Variants in SUGCT observed in about 807,000 individuals in gnomAD.
SUGCT encodes the protein succinyl-CoA:glutarate-CoA transferase, also known as succinyl-CoA:glutarate CoA-transferase.
Under a neutral mutation model 55.0 loss-of-function variants are expected in SUGCT, and 41 were observed. The ratio of observed to expected loss-of-function variants is 0.74; its 90% CI spans 0.58 to 0.97. The LOEUF (loss-of-function observed/expected upper bound fraction) is 0.97. SUGCT is among the 50% of genes least tolerant of loss of function. The pLI, the probability that SUGCT is intolerant of heterozygous loss-of-function variation, is 0.00. For missense variants in SUGCT, 568 were observed against 547.8 expected (o/e 1.04, Z -0.37); for synonymous variants, 187 against 200.4 (o/e 0.93, Z 0.56).
intron 13 of SUGCT, among the ~76,000 whole-genome samples, chr7:40,750,188 A>G (rs189104120): frequency 6.6e-5 from 10 of 152,148 alleles, no homozygotes; most frequent in African/African-American, 9.6e-5. Context: ...TGACCAATAC[A>G]TTTCCCTCCC....
intron 9 of SUGCT, among the ~76,000 whole-genome samples, chr7:40,415,289 T>G (rs1786937063): frequency 6.7e-6 from 1 of 149,500 alleles, no homozygotes; most frequent in Non-Finnish European, 1.5e-5. Flanking sequence ...AAAAAAAAAT[T>G]TGGCCACATA....
intron 9 of SUGCT, among the ~76,000 whole-genome samples, chr7:40,356,701 T>C (rs6462976): frequency 0.57 from 86,387 of 151,994 alleles, 24,621 homozygotes; most frequent in South Asian, 0.65. Flanking sequence ...TTTTAGCAGA[T>C]TCCGCTTAAG....
chr7:40,278,759 TC>T (rs1792720495), intron 8 of SUGCT, among the ~76,000 whole-genome samples: 1 of 151,972 alleles, frequency 6.6e-6, no homozygotes, highest in Admixed American at 6.6e-5. Context: ...TTCTTCCCTC[TC>T]CCTCCCTTTT....
At chr7:40,284,900 T>C (rs1793216999) in intron 8 of SUGCT, among the ~76,000 whole-genome samples, 1 of 152,138 alleles carries the variant, frequency 6.6e-6, no homozygotes, top group Non-Finnish European at 1.5e-5. Flanking sequence ...ATATGGTTTG[T>C]TGTCTTCTTG....
intron 9 of SUGCT, among the ~76,000 whole-genome samples, chr7:40,347,588 A>T (rs1797384805): frequency 6.6e-6 from 1 of 152,212 alleles, no homozygotes; most frequent in African/African-American, 2.4e-5. Context: ...GATTTGAAAA[A>T]TTCTCATTCT....
intron 12 of SUGCT, among the ~76,000 whole-genome samples, chr7:40,686,105 G>T (rs970751382): frequency 2.6e-5 from 4 of 152,092 alleles, no homozygotes; most frequent in Non-Finnish European, 5.9e-5. Context: ...TATTTTACCT[G>T]AGTAAATGTG....
chr7:40,977,982 T>A, the SUGCT span, among the ~76,000 whole-genome samples: 1 of 152,164 alleles, frequency 6.6e-6, no homozygotes, highest in African/African-American at 2.4e-5. Context: ...TGCGATTCAA[T>A]TTTTTCCTGT....
chr7:40,568,335 G>GCA (rs145240668), intron 12 of SUGCT, among the ~76,000 whole-genome samples: 240 of 150,350 alleles, frequency 1.6e-3, no homozygotes, highest in African/African-American at 4.8e-3. Context: ...ACACACACAT[G>GCA]CACACACACA....
intron 13 of SUGCT, among the ~76,000 whole-genome samples, chr7:40,831,773 T>A (rs1476903790): frequency 2.0e-5 from 3 of 152,198 alleles, no homozygotes; most frequent in African/African-American, 7.2e-5. Context: ...GATACTCTTC[T>A]TACTATTCAC....
At chr7:40,303,508 G>T (rs1275638381) in intron 8 of SUGCT, among the ~76,000 whole-genome samples, 2 of 151,390 alleles carry the variant, frequency 1.3e-5, no homozygotes, top group Admixed American at 1.3e-4. Flanking sequence ...TTTTGAGACG[G>T]AGTCTTGCTC....
intron 3 of SUGCT, among the ~76,000 whole-genome samples, chr7:40,183,430 A>G (rs958725290): frequency 2.0e-5 from 3 of 152,168 alleles, no homozygotes; most frequent in Admixed American, 6.5e-5. Context: ...GCCTCCAACT[A>G]CTAGGCTCGA....
At chr7:40,534,570 C>A (rs1019439628) in intron 12 of SUGCT, among the ~76,000 whole-genome samples, 1 of 152,010 alleles carries the variant, frequency 6.6e-6, no homozygotes, top group Non-Finnish European at 1.5e-5. Context: ...AGGCATGTGC[C>A]GCCGTGCCCA....
intron 6 of SUGCT, among the ~76,000 whole-genome samples, chr7:40,201,635 G>T (rs1401708155): frequency 2.0e-5 from 3 of 152,148 alleles, no homozygotes; most frequent in African/African-American, 7.2e-5. Flanking sequence ...CACCATCTCT[G>T]CAGGGGAAGA....
In SUGCT at chr7:40,449,353, T is replaced by C; in HGVS notation, c.883T>C (p.Cys295Arg). The C allele has an allele frequency of 6.2e-7, 1 of 1,608,406 alleles. No homozygotes were observed. The highest frequency in any genetic ancestry group is 8.5e-7 in the Non-Finnish European group (1 of 1,175,540). Residue 295 changes from cysteine (C) to arginine (R), a missense_variant, in exon 10 of 14, where the codon TGC becomes CGC. By Grantham distance (180) the Cys-to-Arg change is radical. Transcript: ENST00000335693. ...AGNNQQFATV[C>R]KILDLPELID... ...AAATAACCAGCAGTTTGCCACCGTC[T>C]GCAAGGTAATCTATAATTATTGGGA...
chr7:40,953,647 T>A, the SUGCT span, among the ~76,000 whole-genome samples: 1 of 150,798 alleles, frequency 6.6e-6, no homozygotes, highest in Non-Finnish European at 1.5e-5. Flanking sequence ...ATGTCCTTTC[T>A]GTTTGTTAGT....
chr7:40,987,026 A>T, the SUGCT span, among the ~76,000 whole-genome samples: 1 of 152,240 alleles, frequency 6.6e-6, no homozygotes, highest in Non-Finnish European at 1.5e-5. Flanking sequence ...TGAAAAACTC[A>T]TACAAAAATG....
chr7:40,169,814 AG>A (rs1288286862), intron 1 of SUGCT, among the ~76,000 whole-genome samples: 1 of 151,782 alleles, frequency 6.6e-6, no homozygotes, highest in Non-Finnish European at 1.5e-5. Flanking sequence ...GAGGTTGCCA[AG>A]TTCAATAGGG....
chr7:40,258,432 G>A (rs904772266), intron 7 of SUGCT, among the ~76,000 whole-genome samples: 2 of 152,130 alleles, frequency 1.3e-5, no homozygotes, highest in African/African-American at 4.8e-5. Flanking sequence ...AGGCTGGAGT[G>A]CAATGGCGCG....
chr7:40,484,379 C>T (rs935809918), intron 11 of SUGCT, among the ~76,000 whole-genome samples: 2 of 152,094 alleles, frequency 1.3e-5, no homozygotes, highest in African/African-American at 4.8e-5. Context: ...TTGGGTTGAT[C>T]AGTGGTTAGT....
Sources: allele counts gnomAD v4.1 joint callset (sites outside exome capture counted in the v4.1 genomes callset), GRCh38; gene constraint gnomAD v4.1.1; transcripts MANE v1.5; gene names NCBI Gene and HGNC (gene_info 2026-07-23, HGNC 2026-07-21).